The following UGT1A8 variants were observed in gnomAD, a reference collection of about 807,000 sequenced individuals.
The protein encoded by UGT1A8 is UDP-glucuronosyltransferase 1A8.
Under a neutral mutation model 45.3 loss-of-function variants are expected in UGT1A8, and 39 were observed. The ratio of observed to expected loss-of-function variants is 0.86; its 90% CI spans 0.67 to 1.12. UGT1A8 has a LOEUF of 1.12. Ranked by LOEUF, UGT1A8 falls within the 50% of genes most tolerant of loss-of-function variation. The pLI is 0.00. For synonymous variants in UGT1A8, 275 were observed against 249.2 expected (o/e 1.10, Z -0.97); for missense variants, 719 against 664.9 (o/e 1.08, Z -0.90).
At chr2:233,633,014 C>T (rs1038698850) in intron 1 of UGT1A8, among the ~76,000 whole-genome samples, 3 of 152,144 alleles carry the variant, frequency 2.0e-5, no homozygotes, top group Non-Finnish European at 2.9e-5. Context: ...CCATCAATAA[C>T]TAGTTCATCA....
Position 233,618,232 on chromosome 2 carries a change from C to G in UGT1A8, c.525C>G (p.His175Gln), listed in dbSNP as rs201695290. ...TCTTCGCCAGGGGAATAGCTTGCCA[C>G]TATCTTGAAGAAGGTGCACAGTGCC... is the stretch of plus-strand genomic sequence containing the variant. ...SVVFARGIAC[H>Q]YLEEGAQCPA... is the part of the protein sequence containing the mutation. Residue 175 changes from histidine to glutamine, a missense_variant, in exon 1 of 5, where the codon CAC (histidine) becomes CAG (glutamine). By Grantham distance (24) the His-to-Gln change is conservative. Coordinates refer to ENST00000373450, the MANE Select transcript of UGT1A8 (RefSeq NM_019076.5). 4 of 1,613,824 alleles carry G rather than the reference C, an allele frequency of 2.5e-6. No individual in the cohort carries two copies. The highest frequency in any genetic ancestry group is 2.5e-6 in the Non-Finnish European group (3 of 1,179,880).
chr2:233,743,660 G>A (rs1409299533), intron 1 of UGT1A8: 4 of 1,367,142 alleles, frequency 2.9e-6, no homozygotes, highest in East Asian at 4.5e-5. Context: ...GTACTCGAAG[G>A]GGTCCTCGAA....
At chr2:233,725,179 G>GAGAGGCAGAGGCAGAGGCAGAGGC (rs879478240) in intron 1 of UGT1A8, among the ~76,000 whole-genome samples, 3 of 67,606 alleles carry the variant, frequency 4.4e-5, no homozygotes, top group Non-Finnish European at 8.4e-5. Context: ...AGACCGTGGG[G>GAGAGGCAGAGGCAGAGGCAGAGGC]AGAGGCAGAG....
chr2:233,743,608 G>A (rs1692376104), intron 1 of UGT1A8: 5 of 1,367,320 alleles, frequency 3.7e-6, no homozygotes, highest in Non-Finnish European at 4.9e-6. Context: ...GGCCGCCGAA[G>A]AACTCCCTGA....
chr2:233,624,184 T>G (rs1177509632), intron 1 of UGT1A8, among the ~76,000 whole-genome samples: 1 of 152,116 alleles, frequency 6.6e-6, no homozygotes, highest in African/African-American at 2.4e-5. Flanking sequence ...GATTTTTACT[T>G]AATATCCCTG....
intron 1 of UGT1A8, among the ~76,000 whole-genome samples, chr2:233,647,194 A>G (rs2073627599): frequency 6.6e-6 from 1 of 152,218 alleles, no homozygotes; most frequent in African/African-American, 2.4e-5. Flanking sequence ...ATCTCCCTCC[A>G]GGTTCCTTCC....
intron 1 of UGT1A8, chr2:233,693,705 C>A: frequency 1.9e-6 from 3 of 1,614,214 alleles, no homozygotes; most frequent in Non-Finnish European, 2.5e-6. Flanking sequence ...GAACTCGCAT[C>A]AGCTGTCCTC....
At chr2:233,724,341 C>T (rs1350319143) in intron 1 of UGT1A8, among the ~76,000 whole-genome samples, 3 of 121,020 alleles carry the variant, frequency 2.5e-5, no homozygotes, top group South Asian at 3.0e-4. Flanking sequence ...GGGGGGCTGA[C>T]CCCCCCCACC....
chr2:233,646,852 C>A (rs1257935872), intron 1 of UGT1A8, among the ~76,000 whole-genome samples: 2 of 152,224 alleles, frequency 1.3e-5, no homozygotes, highest in Non-Finnish European at 2.9e-5. Context: ...AAGTCCCTTC[C>A]ACGTTTTCAG....
intron 1 of UGT1A8, among the ~76,000 whole-genome samples, chr2:233,726,595 T>C (rs6715325): frequency 0.46 from 69,783 of 152,034 alleles, 16,487 homozygotes; most frequent in South Asian, 0.58. Flanking sequence ...TAAGAGCCCT[T>C]GTGATTACAC....
At chr2:233,713,803 C>A in intron 1 of UGT1A8, 12 of 1,614,054 alleles carry the variant, frequency 7.4e-6, no homozygotes, top group Non-Finnish European at 8.5e-6. Flanking sequence ...CCGATCATGC[C>A]CAACATGGTC....
chr2:233,731,351 A>G (rs2078148084), intron 1 of UGT1A8, among the ~76,000 whole-genome samples: 1 of 151,002 alleles, frequency 6.6e-6, no homozygotes, highest in African/African-American at 2.4e-5. Flanking sequence ...TTTGATACAT[A>G]GGTATACATG....
At chr2:233,682,501 C>T in intron 1 of UGT1A8, 1 of 1,613,958 alleles carries the variant, frequency 6.2e-7, no homozygotes, top group South Asian at 1.1e-5. Flanking sequence ...CTCCTCTTTC[C>T]TATGTCCCCA....
intron 1 of UGT1A8, among the ~76,000 whole-genome samples, chr2:233,668,854 T>C (rs1288053597): frequency 6.6e-6 from 1 of 152,244 alleles, no homozygotes; most frequent in African/African-American, 2.4e-5. Context: ...CCGCATGACA[T>C]TTACTCATCA....
intron 1 of UGT1A8, among the ~76,000 whole-genome samples, chr2:233,626,735 A>G (rs1352215461): frequency 6.6e-6 from 1 of 152,098 alleles, no homozygotes; most frequent in South Asian, 2.1e-4. Context: ...AATGAGTTCT[A>G]AAGTTCCTTA....
intron 1 of UGT1A8, chr2:233,760,598 C>A (rs1373476296): frequency 6.2e-7 from 1 of 1,614,208 alleles, no homozygotes; most frequent in East Asian, 2.2e-5. Context: ...GAGAATGATT[C>A]TTTCCTGCAG....
chr2:233,618,177 T>C lies in UGT1A8; in HGVS notation c.470T>C (p.Val157Ala), dbSNP rs377456120. 1.2e-6 allele frequency: 2 copies of C among 1,614,008 alleles called. No homozygotes were observed. Among genetic ancestry groups the C allele is most frequent in the Non-Finnish European group, 1.7e-6 (2 of 1,180,026 alleles). The change falls in exon 1 of 5, where the codon GTT (valine) becomes GCT (alanine). Residue 157 changes from valine to alanine, a missense_variant. Val to Ala is a moderately conservative substitution (Grantham distance 64). Transcript: ENST00000373450. ...LDPFDACGLIVAKYFSLPSVV... is the reference protein window; with the variant it reads ...LDPFDACGLIAAKYFSLPSVV... ...CCTTTTGATGCCTGTGGCTTAATTG[T>C]TGCCAAATATTTCTCCCTCCCCTCT... is the stretch of plus-strand genomic sequence containing the variant.
At chr2:233,719,313 C>CT (rs1559364649) in intron 1 of UGT1A8, 6 of 1,613,954 alleles carry the variant, frequency 3.7e-6, no homozygotes, top group Non-Finnish European at 5.1e-6. Flanking sequence ...GGCTAAGTAC[C>CT]TGTCGATTCC....
chr2:233,693,452 G>A, intron 1 of UGT1A8: 1 of 1,614,126 alleles, frequency 6.2e-7, no homozygotes, highest in South Asian at 1.1e-5. Context: ...TCTTTTCACA[G>A]ACCCAGCCTT....
Sources: allele counts gnomAD v4.1 joint callset (sites outside exome capture counted in the v4.1 genomes callset), GRCh38; gene constraint gnomAD v4.1.1; transcripts MANE v1.5; gene names NCBI Gene and HGNC (gene_info 2026-07-23, HGNC 2026-07-21).